The following SLC22A16 variants were observed in gnomAD, a reference collection of about 807,000 sequenced individuals.
The protein encoded by SLC22A16 is solute carrier family 22 member 16.
A neutral mutation model predicts 52.9 loss-of-function variants in SLC22A16; 53 were observed. The observed-to-expected ratio is 1.00, with a 90% CI of 0.80 to 1.26. SLC22A16 has a LOEUF of 1.26. SLC22A16 is among the 50% of genes most tolerant of loss of function. The pLI, the probability that SLC22A16 is intolerant of heterozygous loss-of-function variation, is 0.00. For missense variants in SLC22A16, 726 were observed against 704.0 expected (o/e 1.03, Z -0.35); for synonymous variants, 291 against 268.8 (o/e 1.08, Z -0.81).
intron 6 of SLC22A16, 124 bp from the exon 7 acceptor site, chr6:110,431,394 TACA>T (rs1307954422): frequency 4.0e-6 from 3 of 751,316 alleles, no homozygotes; most frequent in Non-Finnish European, 6.6e-6. Context: ...GGCAGCGCAT[TACA>T]ACGTTTCAGT....
chr6:110,451,356 T>G (rs1775373538), intron 2 of SLC22A16, among the ~76,000 whole-genome samples: 1 of 152,268 alleles, frequency 6.6e-6, no homozygotes, highest in East Asian at 1.9e-4. Flanking sequence ...CATCACCAAC[T>G]CTATATGATA....
chr6:110,447,100 A>G lies in SLC22A16; in HGVS notation c.534-110T>C, dbSNP rs564368092. The G allele has an allele frequency of 6.4e-6, 5 of 783,112 alleles. 1 individual carries two copies. The Admixed American group carries it at 8.1e-5, about 13-fold the overall frequency. 48.5% of individuals were successfully genotyped at this position (783,112 alleles called of 1,614,324 possible). ...ATTACCTATATACCTTGAATAGCTT[A>G]TGTATTGATTGTTTTTCTTTTATTT... On this transcript the variant is annotated intron_variant, in intron 2 of 7. Coordinates refer to ENST00000368919, the MANE Select transcript of SLC22A16 (RefSeq NM_033125.4).
intron 1 of SLC22A16, among the ~76,000 whole-genome samples, chr6:110,458,989 A>ATGTGTGTGTGTGTATGTG (rs1554227546): frequency 1.3e-5 from 2 of 151,638 alleles, no homozygotes; most frequent in African/African-American, 2.4e-5. Flanking sequence ...AGTCTCATAT[A>ATGTGTGTGTGTGTATGTG]TGTGTGTGTG....
intron 5 of SLC22A16, among the ~76,000 whole-genome samples, chr6:110,436,170 T>C (rs1031117653): frequency 6.6e-6 from 1 of 152,240 alleles, no homozygotes; most frequent in African/African-American, 2.4e-5. Context: ...AAAGTTTCAG[T>C]GTGTCTCTTC....
At chr6:110,463,815 C>A in intron 1 of SLC22A16, among the ~76,000 whole-genome samples, 2 of 151,698 alleles carry the variant, frequency 1.3e-5, no homozygotes, top group Non-Finnish European at 2.9e-5. Context: ...CAGAACATTC[C>A]ACCCAACAAC....
At chr6:110,471,888 C>G (rs977489662) in intron 1 of SLC22A16, among the ~76,000 whole-genome samples, 20 of 152,182 alleles carry the variant, frequency 1.3e-4, no homozygotes, top group Admixed American at 5.2e-4. Context: ...CAGCAACACC[C>G]CTGCTGAGGC....
intron 2 of SLC22A16, 74 bp downstream of exon 2, chr6:110,456,464 C>T: frequency 3.9e-6 from 6 of 1,524,944 alleles, no homozygotes; most frequent in Non-Finnish European, 5.3e-6. Context: ...AAACATAATT[C>T]CTTGTGTCCC....
intron 3 of SLC22A16, among the ~76,000 whole-genome samples, chr6:110,443,537 C>G (rs1775056232): frequency 6.6e-6 from 1 of 151,432 alleles, no homozygotes. Flanking sequence ...AAAAAAATAA[C>G]AAGTTTTGGC....
Position 110,424,899 on chromosome 6 carries a change from G to A in SLC22A16, c.1708C>T (p.Pro570Ser). ...TATTCACCAAGACCAGAATCCCTGG[G>A]GGTAATCGCTTCCGTTTTTTCCAGC... ...SGLEKTEAIT[P>S]RDSGLGE The change falls in exon 8 of 8, where the codon CCC becomes TCC. Residue 570 changes from proline (P) to serine (S), a missense_variant. Transcript: ENST00000368919. 6.2e-7 allele frequency: 1 copy of A among 1,614,064 alleles called. No homozygotes were observed. Among genetic ancestry groups the A allele is most frequent in the Non-Finnish European group, 8.5e-7 (1 of 1,180,016 alleles).
chr6:110,450,450 G>A (rs1775332345), intron 2 of SLC22A16, among the ~76,000 whole-genome samples: 1 of 151,394 alleles, frequency 6.6e-6, no homozygotes, highest in Non-Finnish European at 1.5e-5. Flanking sequence ...CTACTCTGCT[G>A]AAAATACAAA....
At chr6:110,453,796 A>G (rs1389058786) in intron 2 of SLC22A16, 1 of 436,570 alleles carries the variant, frequency 2.3e-6, no homozygotes, top group Non-Finnish European at 4.6e-6. Context: ...AAAGAGGTTT[A>G]TTTAGCTCAT....
chr6:110,473,477 G>GTATCCTGTT (rs1776332448), intron 1 of SLC22A16, among the ~76,000 whole-genome samples: 2 of 106,356 alleles, frequency 1.9e-5, no homozygotes, highest in South Asian at 7.0e-4. Context: ...TTCTTCTCAG[G>GTATCCTGTT]TATCCTGTTT....
chr6:110,434,867 AC>A (rs1343065197), intron 6 of SLC22A16, among the ~76,000 whole-genome samples: 1 of 152,086 alleles, frequency 6.6e-6, no homozygotes, highest in East Asian at 1.9e-4. Flanking sequence ...AATCCCAGCT[AC>A]TCTGGAGGCT....
chr6:110,451,960 T>C (rs1775395637), intron 2 of SLC22A16, among the ~76,000 whole-genome samples: 1 of 152,202 alleles, frequency 6.6e-6, no homozygotes, highest in Non-Finnish European at 1.5e-5. Flanking sequence ...AGAAAATGAA[T>C]CCAGTTGTAT....
rs148780590 is a variant in SLC22A16, at chr6:110,431,185, T to G, written c.1507A>C (p.Ile503Leu). 2 of 1,613,718 alleles carry G rather than the reference T, an allele frequency of 1.2e-6. No homozygotes were observed. Among genetic ancestry groups the G allele is most frequent in the Non-Finnish European group, 1.7e-6 (2 of 1,179,956 alleles). ...CTGAAGCACACCTGTGGTATGAAGA[T>G]CCAAATGCTGCTGAGGTCCACAGAG... ...PFSVDLSSIW[I>L]FIPQLFVGTM... Residue 503 changes from isoleucine (I) to leucine (L), a missense_variant, in exon 7 of 8, where the codon ATC becomes CTC. Coordinates refer to ENST00000368919, the MANE Select transcript of SLC22A16 (RefSeq NM_033125.4).
chr6:110,446,060 G>A (rs1227468148), intron 3 of SLC22A16, among the ~76,000 whole-genome samples: 1 of 152,096 alleles, frequency 6.6e-6, no homozygotes, highest in Non-Finnish European at 1.5e-5. Flanking sequence ...AGGGGGTGCA[G>A]AGAGATTGAA....
At chr6:110,475,459 G>C (rs1303854987) in intron 1 of SLC22A16, among the ~76,000 whole-genome samples, 1 of 152,198 alleles carries the variant, frequency 6.6e-6, no homozygotes, top group Admixed American at 6.5e-5. Context: ...AATGATGCAA[G>C]CAGAGGAAGA....
chr6:110,451,384 G>A (rs768997674), intron 2 of SLC22A16, among the ~76,000 whole-genome samples: 3 of 152,168 alleles, frequency 2.0e-5, no homozygotes, highest in African/African-American at 4.8e-5. Flanking sequence ...AGTCTTCAAG[G>A]TTAACCCAAT....
chr6:110,439,526 C>T (rs909945403), intron 4 of SLC22A16, among the ~76,000 whole-genome samples: 4 of 152,040 alleles, frequency 2.6e-5, no homozygotes, highest in Admixed American at 6.6e-5. Flanking sequence ...TTTCTTAAAA[C>T]GACTTCTCTC....
Sources: allele counts gnomAD v4.1 joint callset (sites outside exome capture counted in the v4.1 genomes callset), GRCh38; gene constraint gnomAD v4.1.1; transcripts MANE v1.5; gene names NCBI Gene and HGNC (gene_info 2026-07-23, HGNC 2026-07-21).